The following NBAS variants were observed in gnomAD, a reference collection of about 807,000 sequenced individuals.
NBAS encodes the protein NBAS subunit of NRZ tethering complex.
Under a neutral mutation model 302.5 loss-of-function variants are expected in NBAS, and 219 were observed. The ratio of observed to expected loss-of-function variants is 0.72; its 90% CI spans 0.65 to 0.81. The LOEUF (loss-of-function observed/expected upper bound fraction) is 0.81. Among genes scored for constraint, NBAS ranks in the 30% least tolerant of loss-of-function variants. The probability of loss-of-function intolerance (pLI) is 0.00; values close to 1 mark genes in which losing one functional copy is unlikely to be tolerated. For missense variants in NBAS, 2,932 were observed against 2,841.6 expected, an observed-to-expected ratio of 1.03 and a Z score of -0.72; for synonymous variants, 1,118 against 1,021.6, an observed-to-expected ratio of 1.09 and a Z score of -1.80.
chr2:14,781,734 G>T, the NBAS span, among the ~76,000 whole-genome samples: 3 of 125,714 alleles, frequency 2.4e-5, no homozygotes, highest in African/African-American at 1.1e-4. Context: ...CTATGTCTAT[G>T]AGCTATTGTG....
At chr2:14,976,120 GC>G in the NBAS span, among the ~76,000 whole-genome samples, 4 of 152,232 alleles carry the variant, frequency 2.6e-5, no homozygotes, top group Non-Finnish European at 4.4e-5. Flanking sequence ...CAGATGTAGA[GC>G]TAAGAAGCAA....
At chr2:15,112,821 T>A in the NBAS span, among the ~76,000 whole-genome samples, 1 of 152,222 alleles carries the variant, frequency 6.6e-6, no homozygotes, top group East Asian at 1.9e-4. Flanking sequence ...TCAAAGAATA[T>A]CATTCTCTTG....
intron 24 of NBAS, among the ~76,000 whole-genome samples, chr2:15,416,941 T>C (rs1012001492): frequency 6.6e-6 from 1 of 151,854 alleles, no homozygotes; most frequent in Non-Finnish European, 1.5e-5. Flanking sequence ...TTCTGGACCA[T>C]TCAACCTAAG....
chr2:15,199,268 T>C (rs1444888366), intron 48 of NBAS, among the ~76,000 whole-genome samples: 1 of 150,802 alleles, frequency 6.6e-6, no homozygotes, highest in Non-Finnish European at 1.5e-5. Context: ...ATGAAGCAAA[T>C]GGGTCTCAGA....
At chr2:15,341,038 T>C (rs992694262) in intron 35 of NBAS, among the ~76,000 whole-genome samples, 1 of 151,798 alleles carries the variant, frequency 6.6e-6, no homozygotes, top group African/African-American at 2.4e-5. Flanking sequence ...TCTATCAGAG[T>C]GGTACATTTT....
intron 44 of NBAS, among the ~76,000 whole-genome samples, chr2:15,245,628 T>TGGAC (rs1668061322): frequency 6.6e-6 from 1 of 150,946 alleles, no homozygotes; most frequent in Admixed American, 6.6e-5. Flanking sequence ...GATGGATGGA[T>TGGAC]GGATGGATGG....
chr2:14,846,047 T>C, the NBAS span, among the ~76,000 whole-genome samples: 3 of 152,020 alleles, frequency 2.0e-5, no homozygotes, highest in Non-Finnish European at 2.9e-5. Flanking sequence ...AATATCCAAA[T>C]ACAAGAAGGT....
At chr2:15,186,980 A>C in intron 49 of NBAS, 100 bp from the exon 50 acceptor site, 1 of 1,520,164 alleles carries the variant, frequency 6.6e-7, no homozygotes, top group Non-Finnish European at 9.1e-7. Context: ...GTAAATTACA[A>C]TCAGAATCTA....
the NBAS span, among the ~76,000 whole-genome samples, chr2:14,950,693 C>A: frequency 6.6e-6 from 1 of 152,086 alleles, no homozygotes; most frequent in Non-Finnish European, 1.5e-5. Context: ...GTGCTATTTG[C>A]AAAACAGCCA....
At chr2:14,865,976 A>G in the NBAS span, among the ~76,000 whole-genome samples, 1 of 152,308 alleles carries the variant, frequency 6.6e-6, no homozygotes, top group Middle Eastern at 3.4e-3. Context: ...ACATGCCCTT[A>G]GAAGAAATTG....
chr2:14,969,628 C>T, the NBAS span, among the ~76,000 whole-genome samples: 1 of 152,112 alleles, frequency 6.6e-6, no homozygotes, highest in Non-Finnish European at 1.5e-5. Context: ...CCGCCTGCCT[C>T]GGCCTCCCAA....
the NBAS span, among the ~76,000 whole-genome samples, chr2:14,811,470 G>A: frequency 6.6e-6 from 1 of 152,070 alleles, no homozygotes; most frequent in South Asian, 2.1e-4. Context: ...TTAACTGGAG[G>A]TGATTCTGCC....
rs1679477389 is a variant in NBAS at position 15,460,917 on chromosome 2, TA to T, written c.2339+283del. 2.0e-5 allele frequency among the ~76,000 whole-genome samples: 3 copies of T among 152,078 alleles called. No individual in the cohort carries two copies. In the East Asian group the frequency reaches 5.8e-4, roughly 29 times the overall value. On this transcript the variant is annotated intron_variant, in intron 21 of 51. Transcript: ENST00000281513. ...CAACTAACTCAGACATACATTATCC[TA>T]AAAACTGTTCTAAACCAGAAAACAG... is the stretch of plus-strand genomic sequence containing the variant.
At chr2:14,957,840 G>A in the NBAS span, among the ~76,000 whole-genome samples, 3 of 152,154 alleles carry the variant, frequency 2.0e-5, no homozygotes, top group African/African-American at 4.8e-5. Context: ...AACTCAGTCC[G>A]AGAATACCTG....
the NBAS span, among the ~76,000 whole-genome samples, chr2:15,153,292 C>G: frequency 6.6e-6 from 1 of 152,228 alleles, no homozygotes; most frequent in East Asian, 1.9e-4. Flanking sequence ...CATTTTTTAG[C>G]AAAATGGGGG....
chr2:15,101,081 C>A, the NBAS span, among the ~76,000 whole-genome samples: 1 of 152,186 alleles, frequency 6.6e-6, no homozygotes, highest in Non-Finnish European at 1.5e-5. Flanking sequence ...ATTTAGGAAG[C>A]ACAGCCACCA....
At chr2:15,519,723 G>C (rs1289471804) in intron 9 of NBAS, among the ~76,000 whole-genome samples, 1 of 152,116 alleles carries the variant, frequency 6.6e-6, no homozygotes, top group African/African-American at 2.4e-5. Flanking sequence ...GGGATTACAG[G>C]CATGAGCCAC....
At chr2:14,785,421 GT>G in the NBAS span, among the ~76,000 whole-genome samples, 1 of 152,126 alleles carries the variant, frequency 6.6e-6, no homozygotes, top group African/African-American at 2.4e-5. Flanking sequence ...AATGCTTCCA[GT>G]TTTTGCCCAT....
At chr2:15,291,931 T>TA (rs898452850) in intron 41 of NBAS, among the ~76,000 whole-genome samples, 59 of 151,496 alleles carry the variant, frequency 3.9e-4, no homozygotes, top group Admixed American at 1.3e-3. Context: ...CAGGAAACTT[T>TA]AAAAAAAAAT....
Sources: allele counts gnomAD v4.1 joint callset (sites outside exome capture counted in the v4.1 genomes callset), GRCh38; gene constraint gnomAD v4.1.1; transcripts MANE v1.5; gene names NCBI Gene and HGNC (gene_info 2026-07-23, HGNC 2026-07-21).